STAG1: variants seen among roughly 807,000 people sequenced by gnomAD.
The protein encoded by STAG1 is cohesin subunit SA-1.
In STAG1, 26 loss-of-function variants were observed where a neutral mutation model predicts 170.9. The ratio of observed to expected loss-of-function variants is 0.15; its 90% CI spans 0.11 to 0.21. The LOEUF is 0.21. Among genes scored for constraint, STAG1 ranks in the 10% least tolerant of loss-of-function variants. STAG1 has a pLI of 1.00. For missense variants in STAG1, 964 were observed against 1,509.5 expected (o/e 0.64, Z 5.99); for synonymous variants, 514 against 497.7 (o/e 1.03, Z -0.44).
At chr3:136,516,242 G>T (rs1427015854) in intron 7 of STAG1, among the ~76,000 whole-genome samples, 1 of 151,956 alleles carries the variant, frequency 6.6e-6, no homozygotes, top group African/African-American at 2.4e-5. Context: ...ATGCAGGCTG[G>T]GTGTGGTTGT....
At chr3:136,422,712 A>G (rs558275063) in intron 18 of STAG1, 56 bp downstream of exon 18, 7 of 1,525,758 alleles carry the variant, frequency 4.6e-6, no homozygotes, top group Non-Finnish European at 5.3e-6. Flanking sequence ...AGTACATGAA[A>G]ATAATTCAGT....
intron 1 of STAG1, among the ~76,000 whole-genome samples, chr3:136,679,458 G>C: frequency 6.6e-6 from 1 of 152,154 alleles, no homozygotes; most frequent in East Asian, 1.9e-4. Context: ...GCCGGGTGCG[G>C]TGGCTCACGC....
intron 1 of STAG1, among the ~76,000 whole-genome samples, chr3:136,719,327 T>C (rs1318728338): frequency 6.6e-6 from 1 of 151,828 alleles, no homozygotes; most frequent in Non-Finnish European, 1.5e-5. Flanking sequence ...AGACAGAAAA[T>C]AGATTAGTAG....
chr3:136,741,800 T>C (rs1368745897), intron 1 of STAG1, among the ~76,000 whole-genome samples: 1 of 152,158 alleles, frequency 6.6e-6, no homozygotes, highest in Non-Finnish European at 1.5e-5. Flanking sequence ...CTCGACTATA[T>C]ACTACCATCA....
intron 15 of STAG1, among the ~76,000 whole-genome samples, chr3:136,440,180 C>T (rs1359906317): frequency 6.6e-6 from 1 of 152,012 alleles, no homozygotes; most frequent in Non-Finnish European, 1.5e-5. Flanking sequence ...CACTGTCACC[C>T]AGGCTGAAGG....
At chr3:136,739,326 T>C (rs966430198) in intron 1 of STAG1, among the ~76,000 whole-genome samples, 2 of 151,788 alleles carry the variant, frequency 1.3e-5, no homozygotes, top group African/African-American at 4.8e-5. Context: ...AGACCAACCT[T>C]GGCAACATGG....
chr3:136,503,391 A>G (rs1354498466), intron 7 of STAG1, among the ~76,000 whole-genome samples: 1 of 152,218 alleles, frequency 6.6e-6, no homozygotes, highest in Non-Finnish European at 1.5e-5. Flanking sequence ...GTGATAATGT[A>G]CTTTTAAACG....
At position 136,431,539 on chromosome 3, in the gene STAG1, G is replaced by C. The variant is rs928182691; in HGVS notation, c.1650+2017C>G. 2.9e-4 allele frequency among the ~76,000 whole-genome samples: 44 copies of C among 152,314 alleles called. 1 individual carries two copies. Among genetic ancestry groups the C allele is most frequent in the African/African-American group, 1.0e-3 (43 of 41,564 alleles). On this transcript the variant is annotated intron_variant, in intron 16 of 33. Coordinates refer to ENST00000383202, the MANE Select transcript of STAG1 (RefSeq NM_005862.3). ...CCTGCCTCAGCCTCCCAAAGTGCTGGGATTACAGGCGTGAACCACTGTGCC... is the reference window on the plus strand; with the variant it reads ...CCTGCCTCAGCCTCCCAAAGTGCTGCGATTACAGGCGTGAACCACTGTGCC...
intron 6 of STAG1, among the ~76,000 whole-genome samples, chr3:136,541,583 CA>C (rs1935910328): frequency 2.0e-5 from 3 of 148,606 alleles, no homozygotes; most frequent in African/African-American, 7.7e-5. Flanking sequence ...CACACACACA[CA>C]CCAGGGGTTT....
intron 1 of STAG1, among the ~76,000 whole-genome samples, chr3:136,634,027 G>C (rs1351224254): frequency 7.2e-6 from 1 of 138,534 alleles, no homozygotes; most frequent in Admixed American, 8.1e-5. Flanking sequence ...TGAAGTCCCA[G>C]CTACTCAGGA....
intron 22 of STAG1, among the ~76,000 whole-genome samples, chr3:136,395,106 A>T (rs1487502066): frequency 6.6e-6 from 1 of 152,132 alleles, no homozygotes; most frequent in Non-Finnish European, 1.5e-5. Flanking sequence ...AAAATAAAAC[A>T]AAACAAAATC....
chr3:136,393,530 G>A (rs1198283146), intron 22 of STAG1, among the ~76,000 whole-genome samples: 2 of 147,732 alleles, frequency 1.4e-5, no homozygotes, highest in Admixed American at 6.8e-5. Flanking sequence ...GAACAAACGA[G>A]CAAACAAAAT....
intron 14 of STAG1, among the ~76,000 whole-genome samples, chr3:136,450,651 G>C (rs1236571650): frequency 6.6e-6 from 1 of 152,160 alleles, no homozygotes; most frequent in Non-Finnish European, 1.5e-5. Context: ...TGACATTCTA[G>C]CACAAATCAA....
At chr3:136,531,410 GT>G (rs958610236) in intron 6 of STAG1, among the ~76,000 whole-genome samples, 6 of 150,940 alleles carry the variant, frequency 4.0e-5, no homozygotes, top group African/African-American at 9.8e-5. Flanking sequence ...CCATTACTGG[GT>G]ATATAACCAA....
At chr3:136,416,127 C>T (rs568556555) in intron 21 of STAG1, among the ~76,000 whole-genome samples, 29 of 152,172 alleles carry the variant, frequency 1.9e-4, no homozygotes, top group South Asian at 1.9e-3. Context: ...CCTGCCTCAG[C>T]CTCCCGAGTA....
chr3:136,723,483 C>A (rs1225398843), intron 1 of STAG1, among the ~76,000 whole-genome samples: 1 of 150,684 alleles, frequency 6.6e-6, no homozygotes, highest in African/African-American at 2.4e-5. Context: ...AAGTGAGGAG[C>A]CCCTCCGCCC....
chr3:136,687,336 A>G (rs1033964688), intron 1 of STAG1, among the ~76,000 whole-genome samples: 2 of 152,220 alleles, frequency 1.3e-5, no homozygotes, highest in African/African-American at 2.4e-5. Context: ...TTGTTGGAAG[A>G]CATAAAAAAT....
At position 136,717,878 on chromosome 3, in the gene STAG1, G is replaced by T. The variant is rs543827785; in HGVS notation, c.-84+34317C>A. Among the ~76,000 whole-genome samples, 6 of 152,194 alleles carry T rather than the reference G, an allele frequency of 3.9e-5. No homozygotes were observed. In the East Asian group the frequency reaches 1.2e-3, roughly 29 times the overall value. ...GCAGTAATAAAATGAATTCAAATTGGACCTCATCCCATGTTCTAAAGCTAT... is the reference window on the plus strand; with the variant it reads ...GCAGTAATAAAATGAATTCAAATTGTACCTCATCCCATGTTCTAAAGCTAT... On this transcript the variant is annotated intron_variant, in intron 1 of 33. Transcript: ENST00000383202.
At chr3:136,387,473 TA>T (rs1364239251) in intron 22 of STAG1, among the ~76,000 whole-genome samples, 7 of 152,174 alleles carry the variant, frequency 4.6e-5, no homozygotes, top group African/African-American at 1.7e-4. Flanking sequence ...TTATCCATAC[TA>T]TATATAAAAC....
Sources: gnomAD v4.1 joint callset for allele counts (sites outside exome capture counted in the v4.1 genomes callset) on GRCh38, gnomAD v4.1.1 for gene constraint, MANE v1.5 for transcripts, NCBI Gene and HGNC (gene_info 2026-07-23, HGNC 2026-07-21) for gene names.